LPP: variants seen among roughly 807,000 people sequenced by gnomAD.
The protein encoded by LPP is LIM domain containing preferred translocation partner in lipoma.
Under a neutral mutation model 60.4 loss-of-function variants are expected in LPP, and 38 were observed. The ratio of observed to expected loss-of-function variants is 0.63; its 90% CI spans 0.49 to 0.83. The LOEUF (loss-of-function observed/expected upper bound fraction) is 0.83, where lower values mean the gene tolerates loss of function less well. Among genes scored for constraint, LPP ranks in the 40% least tolerant of loss-of-function variants. The pLI, the probability that LPP is intolerant of heterozygous loss-of-function variation, is 0.00. For synonymous variants in LPP, 328 were observed against 290.8 expected (o/e 1.13, Z -1.30); for missense variants, 902 against 783.6 (o/e 1.15, Z -1.80).
At chr3:188,460,570 G>A (rs1181978669) in intron 4 of LPP, among the ~76,000 whole-genome samples, 2 of 152,166 alleles carry the variant, frequency 1.3e-5, no homozygotes, top group Non-Finnish European at 2.9e-5. Flanking sequence ...GGGCAGTAGA[G>A]TTCCAGCTTC....
intron 4 of LPP, among the ~76,000 whole-genome samples, chr3:188,421,767 A>G (rs141476032): frequency 2.0e-5 from 3 of 152,288 alleles, no homozygotes; most frequent in African/African-American, 7.2e-5. Flanking sequence ...TCCTTAACAA[A>G]AGATTCAACC....
intron 8 of LPP, among the ~76,000 whole-genome samples, chr3:188,721,981 CTG>C (rs1265648009): frequency 6.6e-6 from 1 of 152,156 alleles, no homozygotes; most frequent in Non-Finnish European, 1.5e-5. Context: ...CCTCTCTACA[CTG>C]TTAAAATGTA....
At chr3:188,419,980 C>A (rs957826961) in intron 4 of LPP, among the ~76,000 whole-genome samples, 3 of 151,954 alleles carry the variant, frequency 2.0e-5, no homozygotes, top group Non-Finnish European at 2.9e-5. Context: ...TAAGTCATGA[C>A]AAAATAATGA....
chr3:188,692,326 A>G (rs184961315), intron 7 of LPP, among the ~76,000 whole-genome samples: 25 of 152,358 alleles, frequency 1.6e-4, no homozygotes, highest in Admixed American at 1.5e-3. Context: ...AGACAATGAA[A>G]CAAACAAAAA....
At chr3:188,462,587 CATGTGTGTGTGTGTGT>C (rs1799353561) in intron 4 of LPP, among the ~76,000 whole-genome samples, 1 of 43,164 alleles carries the variant, frequency 2.3e-5, no homozygotes. Flanking sequence ...TATATATATG[CATGTGTGTGTGTGTGT>C]GTGTGTGTGT....
chr3:188,177,894 G>A (rs1190527482), intron 1 of LPP, among the ~76,000 whole-genome samples: 1 of 152,214 alleles, frequency 6.6e-6, no homozygotes, highest in Admixed American at 6.5e-5. Context: ...GTGGGACAGG[G>A]ATGCTGGGAA....
intron 6 of LPP, among the ~76,000 whole-genome samples, chr3:188,579,247 C>T (rs1835476433): frequency 6.6e-6 from 1 of 151,932 alleles, no homozygotes; most frequent in Non-Finnish European, 1.5e-5. Context: ...GAGCAGGGAA[C>T]ATGGAGGTGT....
intron 2 of LPP, among the ~76,000 whole-genome samples, chr3:188,339,570 G>A (rs1762511371): frequency 6.6e-6 from 1 of 152,136 alleles, no homozygotes; most frequent in African/African-American, 2.4e-5. Flanking sequence ...TCTTCACAGG[G>A]CGGCAGGAAA....
chr3:188,447,867 T>G (rs1263964045), intron 4 of LPP, among the ~76,000 whole-genome samples: 1 of 152,126 alleles, frequency 6.6e-6, no homozygotes, highest in Non-Finnish European at 1.5e-5. Flanking sequence ...TTACCATCAG[T>G]GCTATTTCTA....
At chr3:188,677,298 AT>A (rs1230859765) in intron 7 of LPP, among the ~76,000 whole-genome samples, 4 of 152,142 alleles carry the variant, frequency 2.6e-5, no homozygotes, top group African/African-American at 7.2e-5. Flanking sequence ...AGAATCTAAC[AT>A]TTTCTTCACC....
chr3:188,488,816 T>G (rs190434008), intron 5 of LPP, among the ~76,000 whole-genome samples: 24 of 152,106 alleles, frequency 1.6e-4, no homozygotes, highest in Non-Finnish European at 3.1e-4. Flanking sequence ...TTTTTGTATT[T>G]TCGGTAGAGA....
intron 7 of LPP, among the ~76,000 whole-genome samples, chr3:188,650,525 C>T (rs986457166): frequency 3.3e-5 from 5 of 152,060 alleles, no homozygotes; most frequent in East Asian, 1.9e-4. Flanking sequence ...ACACTTGCTC[C>T]GCTGCTTGTT....
At chr3:188,783,013 T>A (rs1376449197) in intron 9 of LPP, among the ~76,000 whole-genome samples, 1 of 152,158 alleles carries the variant, frequency 6.6e-6, no homozygotes, top group East Asian at 1.9e-4. Flanking sequence ...TGTCCCTTAG[T>A]GCCTATCAGA....
chr3:188,212,791 G>A (rs1711797726), intron 1 of LPP: 1 of 152,464 alleles, frequency 6.6e-6, no homozygotes, highest in East Asian at 1.9e-4. Flanking sequence ...AGGGAGTGAG[G>A]GCTAGTGGAG....
chr3:188,162,362 G>T (rs1270897595), intron 1 of LPP, among the ~76,000 whole-genome samples: 2 of 152,168 alleles, frequency 1.3e-5, no homozygotes, highest in Non-Finnish European at 2.9e-5. Context: ...CTCCTGTCTT[G>T]TTCCTTAACT....
chr3:188,344,101 G>T (rs1327616066), intron 3 of LPP, among the ~76,000 whole-genome samples: 2 of 152,182 alleles, frequency 1.3e-5, no homozygotes, highest in African/African-American at 4.8e-5. Flanking sequence ...TAATAGGCAA[G>T]ATCTGTACTT....
intron 2 of LPP, among the ~76,000 whole-genome samples, chr3:188,336,919 A>G (rs1220680226): frequency 2.6e-5 from 4 of 152,146 alleles, no homozygotes; most frequent in African/African-American, 9.7e-5. Flanking sequence ...CCTGGGGGAC[A>G]TGACTTTTCT....
chr3:188,816,002 C>T (rs1355604930), intron 9 of LPP, among the ~76,000 whole-genome samples: 1 of 152,116 alleles, frequency 6.6e-6, no homozygotes, highest in East Asian at 1.9e-4. Context: ...ATACATCAAG[C>T]TCAGGTGACT....
intron 7 of LPP, among the ~76,000 whole-genome samples, chr3:188,636,353 T>G (rs910989712): frequency 1.3e-5 from 2 of 152,184 alleles, no homozygotes; most frequent in Non-Finnish European, 1.5e-5. Flanking sequence ...TCCGACGGGC[T>G]TAAAAAACGG....
Sources: allele counts gnomAD v4.1 joint callset (sites outside exome capture counted in the v4.1 genomes callset), GRCh38; gene constraint gnomAD v4.1.1; transcripts MANE v1.5; gene names NCBI Gene and HGNC (gene_info 2026-07-23, HGNC 2026-07-21).